Variants in TANC2 observed in about 807,000 individuals in gnomAD.
TANC2 encodes the protein protein TANC2.
TANC2 carries 26 observed loss-of-function variants against 210.5 expected under a neutral mutation model. The ratio of observed to expected loss-of-function variants is 0.12; its 90% CI spans 0.09 to 0.17. The LOEUF (loss-of-function observed/expected upper bound fraction) is 0.17, where lower values mean the gene tolerates loss of function less well. Ranked by LOEUF, TANC2 falls within the 10% of genes least tolerant of loss-of-function variation. The pLI is 1.00. For missense variants in TANC2, 2,129 were observed against 2,608.9 expected, an observed-to-expected ratio of 0.82 and a Z score of 4.01; for synonymous variants, 931 against 967.1, an observed-to-expected ratio of 0.96 and a Z score of 0.69.
In TANC2 at chr17:63,090,323, A is replaced by G. The variant is rs1468662759; in HGVS notation, c.140-8852A>G. Among the ~76,000 whole-genome samples, 9 of 150,494 alleles carry G rather than the reference A, an allele frequency of 6.0e-5. No homozygotes were observed. The Admixed American group carries it at 6.0e-4, about 10-fold the overall frequency. On this transcript the variant is annotated intron_variant, in intron 3 of 27. Coordinates refer to ENST00000689528, the Ensembl canonical transcript of TANC2. The stretch of plus-strand genomic sequence containing the variant: ...GGTGTGCTGCACCCATTAACTCATC[A>G]TTTACATTAGGTACATCTCCTAGTG...
chr17:63,005,397 G>A (rs2033574163), intron 1 of TANC2, among the ~76,000 whole-genome samples: 2 of 151,564 alleles, frequency 1.3e-5, no homozygotes, highest in Admixed American at 1.3e-4. Context: ...CCTTTTTGTT[G>A]GTTTTCAACA....
At chr17:63,150,974 C>T (rs1474512176) in intron 4 of TANC2, 1 of 151,000 alleles carries the variant, frequency 6.6e-6, no homozygotes, top group Admixed American at 6.6e-5. Flanking sequence ...TAGATTTTAG[C>T]TTTTCCAGTT....
chr17:63,063,216 C>G (rs1471459020), intron 2 of TANC2, among the ~76,000 whole-genome samples: 1 of 152,216 alleles, frequency 6.6e-6, no homozygotes, highest in Non-Finnish European at 1.5e-5. Flanking sequence ...CTTCCATGCC[C>G]CCTTGGGGGC....
chr17:63,019,742 T>A (rs2143981237), intron 2 of TANC2, among the ~76,000 whole-genome samples: 1 of 152,332 alleles, frequency 6.6e-6, no homozygotes. Context: ...GTTAATCATC[T>A]TTTCATGTAC....
Position 63,172,294 on chromosome 17 carries a change from GC to G in TANC2, c.433+20916del, listed in dbSNP as rs2040431370. On this transcript the variant is annotated intron_variant, in intron 5 of 27. Transcript: ENST00000689528. ...CCTCTCAGGTTCAAGCGATTCTCCT[GC>G]CTCAGCCTCCTGAGTAGCTGGGATT... 2.0e-5 allele frequency among the ~76,000 whole-genome samples: 3 copies of G among 150,498 alleles called. No homozygotes were observed. The East Asian group carries it at 5.9e-4, about 30-fold the overall frequency.
chr17:63,011,242 T>TG (rs1491545233), intron 2 of TANC2, among the ~76,000 whole-genome samples: 299 of 142,884 alleles, frequency 2.1e-3, no homozygotes, highest in Non-Finnish European at 2.3e-3. Flanking sequence ...TGTGTGTGTG[T>TG]TTTTTTTACT....
intron 1 of TANC2, among the ~76,000 whole-genome samples, chr17:62,993,352 T>C (rs911597260): frequency 1.3e-5 from 2 of 152,220 alleles, no homozygotes; most frequent in African/African-American, 4.8e-5. Flanking sequence ...CTTTCTCAAT[T>C]TCTGAAAGGA....
Position 63,395,730 on chromosome 17 carries a change from C to T in TANC2, c.3052-13C>T, listed in dbSNP as rs1425671942. The T allele has an allele frequency of 3.7e-6, 6 of 1,611,876 alleles. No homozygotes were observed. Among genetic ancestry groups the T allele is most frequent in the Non-Finnish European group, 5.1e-6 (6 of 1,179,032 alleles). On this transcript the variant is annotated splice_polypyrimidine_tract_variant and intron_variant, in intron 17 of 27. Transcript: ENST00000689528. Reference sequence around the variant, plus strand: ...GTCTGTGTTCACACATATCTCCTGTCCTCTCCTCTTAGGTGGATCATTTGG... The same window carrying T: ...GTCTGTGTTCACACATATCTCCTGTTCTCTCCTCTTAGGTGGATCATTTGG...
chr17:63,213,787 C>A (rs187020123), intron 7 of TANC2, among the ~76,000 whole-genome samples: 139 of 152,296 alleles, frequency 9.1e-4, no homozygotes, highest in Non-Finnish European at 1.6e-3. Context: ...TGGCAACATG[C>A]TGAAATAATA....
At chr17:63,357,435 G>A (rs192307125) in intron 14 of TANC2, among the ~76,000 whole-genome samples, 26 of 152,328 alleles carry the variant, frequency 1.7e-4, no homozygotes. Flanking sequence ...TGATGCACTG[G>A]GACAAGAGGA....
chr17:63,304,292 G>A (rs1008960729), intron 9 of TANC2, among the ~76,000 whole-genome samples: 4 of 152,122 alleles, frequency 2.6e-5, no homozygotes, highest in African/African-American at 9.7e-5. Flanking sequence ...TGTTGATGCT[G>A]TTATTGCTTT....
rs572280371 is a variant in TANC2, at chr17:63,056,501, G to T, written c.68-17442G>T. 3.9e-5 allele frequency among the ~76,000 whole-genome samples: 6 copies of T among 152,152 alleles called. No homozygotes were observed. The South Asian group carries it at 1.2e-3, about 32-fold the overall frequency. On this transcript the variant is annotated intron_variant, in intron 2 of 27. Coordinates refer to ENST00000689528, the Ensembl canonical transcript of TANC2. Reference sequence around the variant, plus strand: ...GAGACCAGTCCTGGAAATGTAGCAAGATCCGTTCTCTACCAAAAAAATTTT... The same window carrying T: ...GAGACCAGTCCTGGAAATGTAGCAATATCCGTTCTCTACCAAAAAAATTTT...
At chr17:63,396,069 T>C in intron 18 of TANC2, 141 bp downstream of exon 18, 1 of 783,548 alleles carries the variant, frequency 1.3e-6, no homozygotes, top group Non-Finnish European at 2.0e-6. Flanking sequence ...ATAAGGAGAT[T>C]AAACTCCATG....
chr17:63,205,372 A>AAAAAAAAAAT (rs1472135033), intron 7 of TANC2, among the ~76,000 whole-genome samples: 2 of 131,810 alleles, frequency 1.5e-5, no homozygotes, highest in Admixed American at 7.3e-5. Flanking sequence ...AAAAAAAAAA[A>AAAAAAAAAAT]CCTCATACAC....
chr17:63,005,690 T>A (rs1462019407), intron 1 of TANC2, among the ~76,000 whole-genome samples: 1 of 151,654 alleles, frequency 6.6e-6, no homozygotes, highest in African/African-American at 2.4e-5. Flanking sequence ...TTTCTGTGTC[T>A]ATGTTCATGA....
intron 19 of TANC2, among the ~76,000 whole-genome samples, chr17:63,399,968 A>G (rs2048292737): frequency 6.6e-6 from 1 of 152,232 alleles, no homozygotes; most frequent in African/African-American, 2.4e-5. Context: ...TCCATGACAG[A>G]TTAAAGGAAA....
intron 2 of TANC2, among the ~76,000 whole-genome samples, chr17:63,035,888 A>T (rs1404740890): frequency 3.3e-5 from 5 of 152,156 alleles, no homozygotes; most frequent in Non-Finnish European, 4.4e-5. Context: ...ATTGTAAAAA[A>T]TTTTAGCTAT....
chr17:63,064,972 A>G (rs2036144492), intron 2 of TANC2, among the ~76,000 whole-genome samples: 1 of 152,092 alleles, frequency 6.6e-6, no homozygotes, highest in South Asian at 2.1e-4. Context: ...TCTGTACAAT[A>G]GATTTCCGGC....
intron 14 of TANC2, among the ~76,000 whole-genome samples, chr17:63,358,376 A>AGTGTGT (rs1555641221): frequency 2.1e-4 from 17 of 80,936 alleles, no homozygotes; most frequent in African/African-American, 2.6e-4. Context: ...AGAGAGAGAG[A>AGTGTGT]GTATGTGTGT....
Sources: allele counts gnomAD v4.1 joint callset (sites outside exome capture counted in the v4.1 genomes callset), GRCh38; gene constraint gnomAD v4.1.1; transcripts MANE v1.5; gene names NCBI Gene and HGNC (gene_info 2026-07-23, HGNC 2026-07-21).